Variants in TBC1D30 observed in about 807,000 individuals in gnomAD.
The protein encoded by TBC1D30 is TBC1 domain family member 30.
In TBC1D30, 31 loss-of-function variants were observed where a neutral mutation model predicts 63.2. The observed-to-expected ratio is 0.49, with a 90% CI of 0.37 to 0.66. TBC1D30 has a LOEUF of 0.66. TBC1D30 is among the 30% of genes least tolerant of loss of function. TBC1D30 has a pLI of 0.00. For missense variants in TBC1D30, 810 were observed against 953.6 expected, an observed-to-expected ratio of 0.85 and a Z score of 1.98; for synonymous variants, 307 against 361.5, an observed-to-expected ratio of 0.85 and a Z score of 1.71.
At chr12:64,797,746 T>A (rs1872366012) in intron 2 of TBC1D30, among the ~76,000 whole-genome samples, 1 of 152,206 alleles carries the variant, frequency 6.6e-6, no homozygotes. Flanking sequence ...CAAAAGCGAA[T>A]GTCCTCATAC....
chr12:64,843,863 C>T (rs1307972878), intron 8 of TBC1D30, among the ~76,000 whole-genome samples: 1 of 152,216 alleles, frequency 6.6e-6, no homozygotes, highest in Non-Finnish European at 1.5e-5. Context: ...ACAATCGTTG[C>T]TCACTGTAGC....
At chr12:64,773,366 T>C (rs1002587581) in intron 1 of TBC1D30, among the ~76,000 whole-genome samples, 1 of 152,112 alleles carries the variant, frequency 6.6e-6, no homozygotes, top group African/African-American at 2.4e-5. Flanking sequence ...AAGGGCAGGG[T>C]GAGCTACCAT....
At chr12:64,862,169 T>C (rs1011665949) in intron 8 of TBC1D30, among the ~76,000 whole-genome samples, 2 of 152,188 alleles carry the variant, frequency 1.3e-5, no homozygotes, top group African/African-American at 4.8e-5. Flanking sequence ...CAAATCTCTT[T>C]CTTGGAATCT....
At chr12:64,840,389 G>A (rs1304756152) in intron 7 of TBC1D30, among the ~76,000 whole-genome samples, 2 of 152,182 alleles carry the variant, frequency 1.3e-5, no homozygotes, top group African/African-American at 4.8e-5. Flanking sequence ...TCTTCATGAA[G>A]GAGCAGGAAG....
Position 64,815,378 on chromosome 12 carries a change from G to A in TBC1D30, c.644-12457G>A, listed in dbSNP as rs529328953. Among the ~76,000 whole-genome samples the A allele has an allele frequency of 2.6e-5, 4 of 152,224 alleles. No individual in the cohort carries two copies. The East Asian group carries it at 7.7e-4, about 29-fold the overall frequency. ...ATAAAATTCGCAGCTACTTTATGGT[G>A]TTTCTAGAAAAAGCAATAATAGAAA... On this transcript the variant is annotated intron_variant, in intron 2 of 12. Transcript: ENST00000542120.
chr12:64,762,048 G>A (rs570163243), intron 1 of TBC1D30, among the ~76,000 whole-genome samples: 1 of 152,342 alleles, frequency 6.6e-6, no homozygotes, highest in South Asian at 2.1e-4. Context: ...GGTGCAATGA[G>A]CATTTAAGGT....
upstream of TBC1D30, among the ~76,000 whole-genome samples, chr12:64,822,796 T>G (rs1452245712): frequency 6.6e-6 from 1 of 152,144 alleles, no homozygotes; most frequent in African/African-American, 2.4e-5. Context: ...GTGACTCTTG[T>G]GTCTTTTTGA....
chr12:64,842,678 A>G (rs1875982429), intron 7 of TBC1D30, among the ~76,000 whole-genome samples: 1 of 152,232 alleles, frequency 6.6e-6, no homozygotes, highest in African/African-American at 2.4e-5. Context: ...TAAATCTATT[A>G]TATTAATGAT....
At position 64,773,398 on chromosome 12, in the gene TBC1D30, G is replaced by A. The variant is rs551712334; in HGVS notation, c.-375-12483G>A. ...CCATCTTTGCTATTTGGGTGACCTAGCCATTCCAGCCTCTAGGTGTTGAAG... is the reference window on the plus strand; with the variant it reads ...CCATCTTTGCTATTTGGGTGACCTAACCATTCCAGCCTCTAGGTGTTGAAG... On this transcript the variant is annotated intron_variant, in intron 1 of 13. Transcript: ENST00000674237. 3.3e-5 allele frequency among the ~76,000 whole-genome samples: 5 copies of A among 152,278 alleles called. No individual in the cohort carries two copies. The South Asian group carries it at 6.2e-4, about 19-fold the overall frequency.
intron 1 of TBC1D30, among the ~76,000 whole-genome samples, chr12:64,768,981 A>G (rs1870810231): frequency 6.6e-6 from 1 of 151,926 alleles, no homozygotes; most frequent in Non-Finnish European, 1.5e-5. Context: ...ACGTGGCAAA[A>G]CCCCATCGCT....
At chr12:64,764,512 A>G (rs1041509438) in intron 1 of TBC1D30, among the ~76,000 whole-genome samples, 5 of 152,240 alleles carry the variant, frequency 3.3e-5, no homozygotes, top group Non-Finnish European at 7.3e-5. Flanking sequence ...AACAACTAGA[A>G]AACAGGGCAA....
rs1417467078 is a variant in TBC1D30, at chr12:64,875,501, G to T, written c.1999G>T (p.Ala667Ser). 12 of 1,536,058 alleles carry T rather than the reference G, an allele frequency of 7.8e-6. No individual in the cohort carries two copies. The Admixed American group carries it at 1.6e-4, about 20-fold the overall frequency. ...GALELNQRDAAAETELRVHPP... is the reference protein window; with the variant it reads ...GALELNQRDASAETELRVHPP... ...CCTGGAACTGAACCAGAGGGATGCT[G>T]CAGCTGAAACTGAGCTCAGGGTGCA... Residue 667 changes from alanine to serine, a missense_variant, in exon 12 of 12, where the codon GCA becomes TCA. Ala to Ser is a moderately conservative substitution (Grantham distance 99). Around this residue, in one of 4 missense-constraint regions of TBC1D30, gnomAD observed 450 missense variants for 473.0 expected, o/e 0.95. Transcript: ENST00000539867.
At chr12:64,813,500 T>A (rs1165329592) in intron 2 of TBC1D30, among the ~76,000 whole-genome samples, 1 of 152,212 alleles carries the variant, frequency 6.6e-6, no homozygotes, top group Non-Finnish European at 1.5e-5. Flanking sequence ...CAAGTTTACA[T>A]AGCCACTGAC....
At chr12:64,812,985 T>C (rs1389335077) in intron 2 of TBC1D30, among the ~76,000 whole-genome samples, 3 of 152,168 alleles carry the variant, frequency 2.0e-5, no homozygotes, top group African/African-American at 7.2e-5. Flanking sequence ...GCATTAAATT[T>C]CTAGGTCAAA....
intron 2 of TBC1D30, among the ~76,000 whole-genome samples, chr12:64,805,988 A>T (rs1351576929): frequency 6.6e-6 from 1 of 152,236 alleles, no homozygotes; most frequent in East Asian, 1.9e-4. Flanking sequence ...CACTAAAAAA[A>T]ATTAGTTGCA....
chr12:64,795,977 A>G (rs1424179090), intron 2 of TBC1D30, among the ~76,000 whole-genome samples: 1 of 152,086 alleles, frequency 6.6e-6, no homozygotes, highest in Non-Finnish European at 1.5e-5. Context: ...GTTAATATTG[A>G]TAACCGTTTT....
chr12:64,802,015 C>G (rs1197373411), intron 2 of TBC1D30, among the ~76,000 whole-genome samples: 1 of 101,798 alleles, frequency 9.8e-6, no homozygotes, highest in Non-Finnish European at 2.3e-5. Context: ...CATCATTTTT[C>G]TTTTCTGGTA....
chr12:64,773,282 TG>T (rs1044427516), intron 1 of TBC1D30, among the ~76,000 whole-genome samples: 19 of 152,006 alleles, frequency 1.2e-4, no homozygotes, highest in African/African-American at 4.6e-4. Context: ...ACCTCTCAAC[TG>T]GGGCCTCCAG....
At chr12:64,850,103 G>T (rs1876738363) in intron 8 of TBC1D30, among the ~76,000 whole-genome samples, 1 of 152,212 alleles carries the variant, frequency 6.6e-6, no homozygotes, top group African/African-American at 2.4e-5. Context: ...GAATGCTTGT[G>T]ATTTTTGCAC....
Sources: gnomAD v4.1 joint callset for allele counts (sites outside exome capture counted in the v4.1 genomes callset) on GRCh38, gnomAD v4.1.1 for gene constraint, gnomAD v4.1.1 regional missense constraint, MANE v1.5 for transcripts, NCBI Gene and HGNC (gene_info 2026-07-23, HGNC 2026-07-21) for gene names.